Variants in CACNA1C observed in about 807,000 individuals in gnomAD.
The protein encoded by CACNA1C is calcium voltage-gated channel subunit alpha1 C, also known as voltage-dependent L-type calcium channel subunit alpha-1C.
A neutral mutation model predicts 229.0 loss-of-function variants in CACNA1C; 30 were observed. That is an observed-to-expected ratio of 0.13 (90% CI 0.10 to 0.18). The LOEUF (loss-of-function observed/expected upper bound fraction) is 0.18. Ranked by LOEUF, CACNA1C falls within the 10% of genes least tolerant of loss-of-function variation. The pLI is 1.00. For synonymous variants in CACNA1C, 1,114 were observed against 1,132.5 expected (o/e 0.98, Z 0.33); for missense variants, 1,658 against 2,845.0 (o/e 0.58, Z 9.49).
At chr12:2,120,019 A>G (rs1360983060) in intron 2 of CACNA1C, among the ~76,000 whole-genome samples, 1 of 152,246 alleles carries the variant, frequency 6.6e-6, no homozygotes, top group Non-Finnish European at 1.5e-5. Context: ...TCAGGCACAC[A>G]TTGGGGAGAA....
At chr12:2,645,759 A>C (rs924074751) in intron 30 of CACNA1C, among the ~76,000 whole-genome samples, 41 of 152,298 alleles carry the variant, frequency 2.7e-4, no homozygotes, top group African/African-American at 9.6e-4. Flanking sequence ...CATTTATGAG[A>C]CCACGGACCT....
chr12:2,544,150 A>G (rs1196374139), intron 9 of CACNA1C, among the ~76,000 whole-genome samples: 1 of 148,584 alleles, frequency 6.7e-6, no homozygotes, highest in African/African-American at 2.5e-5. Context: ...TGAGAAGTGA[A>G]AAAAAAAAAA....
chr12:2,044,285 A>G (rs1263747481), intron 1 of CACNA1C, among the ~76,000 whole-genome samples: 1 of 152,214 alleles, frequency 6.6e-6, no homozygotes. Flanking sequence ...GTGTCCTGCC[A>G]TACTTGACAA....
chr12:2,084,649 A>T (rs1477993695), intron 1 of CACNA1C, among the ~76,000 whole-genome samples: 1 of 152,216 alleles, frequency 6.6e-6, no homozygotes, highest in African/African-American at 2.4e-5. Context: ...GCCGACTTGG[A>T]TGGAGTGCTC....
intron 3 of CACNA1C, among the ~76,000 whole-genome samples, chr12:2,197,951 C>G (rs1250617230): frequency 2.0e-5 from 3 of 152,180 alleles, no homozygotes; most frequent in Admixed American, 6.5e-5. Context: ...GGAACGCTTT[C>G]TTGATTTACA....
At chr12:2,549,698 T>C (rs1270184016) in intron 9 of CACNA1C, among the ~76,000 whole-genome samples, 2 of 152,210 alleles carry the variant, frequency 1.3e-5, no homozygotes, top group African/African-American at 4.8e-5. Context: ...TAAAATGCTC[T>C]TATTACCAGA....
chr12:2,450,576 A>C (rs1248313206), intron 4 of CACNA1C, among the ~76,000 whole-genome samples: 2 of 150,748 alleles, frequency 1.3e-5, no homozygotes, highest in Non-Finnish European at 3.0e-5. Flanking sequence ...AAAAAAAAAA[A>C]AACGCAGGTG....
chr12:2,656,116 A>T (rs935121022), intron 34 of CACNA1C, among the ~76,000 whole-genome samples: 26 of 152,366 alleles, frequency 1.7e-4, no homozygotes, highest in African/African-American at 6.3e-4. Flanking sequence ...AGCAAGTTTT[A>T]AAAAGTTATC....
chr12:2,550,057 G>T, intron 10 of CACNA1C, 24 bp downstream of exon 10: 1 of 1,506,402 alleles, frequency 6.6e-7, no homozygotes, highest in Admixed American at 1.8e-5. Context: ...GCGAGCCCAG[G>T]GGCTGGGGCT....
At chr12:2,168,643 A>G (rs950318859) in intron 3 of CACNA1C, among the ~76,000 whole-genome samples, 12 of 152,152 alleles carry the variant, frequency 7.9e-5, no homozygotes, top group African/African-American at 2.9e-4. Context: ...CTGTATCACA[A>G]CAGGTATTTG....
intron 3 of CACNA1C, among the ~76,000 whole-genome samples, chr12:2,247,918 G>C: frequency 6.6e-6 from 1 of 152,176 alleles, no homozygotes; most frequent in African/African-American, 2.4e-5. Context: ...ACTGCAGAGG[G>C]GGGACAGGTG....
chr12:2,048,280 A>C (rs1566031329), upstream of CACNA1C: 1 of 152,220 alleles, frequency 6.6e-6, no homozygotes, highest in East Asian at 1.9e-4. Context: ...CTGGCCTTTG[A>C]GAAGGAACGG....
chr12:2,648,245 G>T (rs1485950704), intron 30 of CACNA1C, among the ~76,000 whole-genome samples: 1 of 152,196 alleles, frequency 6.6e-6, no homozygotes, highest in African/African-American at 2.4e-5. Flanking sequence ...AAAGGGCATA[G>T]GTAGGAGAAT....
intron 9 of CACNA1C, among the ~76,000 whole-genome samples, chr12:2,521,816 C>T (rs932444033): frequency 3.3e-5 from 5 of 152,184 alleles, no homozygotes; most frequent in African/African-American, 1.2e-4. Context: ...TCCCACGCAA[C>T]CTGTGTAATG....
chr12:2,463,838 GT>G (rs1234620979), intron 5 of CACNA1C, among the ~76,000 whole-genome samples: 6 of 152,204 alleles, frequency 3.9e-5, no homozygotes, highest in Non-Finnish European at 7.3e-5. Flanking sequence ...AACAGAATCA[GT>G]TCTCTCTGCT....
intron 3 of CACNA1C, among the ~76,000 whole-genome samples, chr12:2,369,095 A>G (rs2097787464): frequency 6.6e-6 from 1 of 152,256 alleles, no homozygotes; most frequent in East Asian, 1.9e-4. Flanking sequence ...GGCCAGAGCC[A>G]TAAAATAATG....
At position 2,410,270 on chromosome 12, in the gene CACNA1C, G is replaced by A. The variant is rs746023222; in HGVS notation, c.478-38706G>A. Among the ~76,000 whole-genome samples, 2 of 152,116 alleles carry A rather than the reference G, an allele frequency of 1.3e-5. No homozygotes were observed. The highest frequency in any genetic ancestry group is 4.8e-5 in the African/African-American group (2 of 41,408). The stretch of plus-strand genomic sequence containing the variant: ...CTCAACGAGCTCGTCGCCGGGCACC[G>A]TTTTAGCAGCCCCACCACCCATTTT... On this transcript the variant is annotated intron_variant, in intron 3 of 46. Coordinates refer to ENST00000399655, the MANE Select transcript of CACNA1C (RefSeq NM_000719.7). This position sits in a 1 kb window ranked among gnomAD's most constrained non-coding sequence, Gnocchi z 5.3.
intron 1 of CACNA1C, among the ~76,000 whole-genome samples, chr12:2,089,468 A>G (rs1168134235): frequency 1.3e-5 from 2 of 152,202 alleles, no homozygotes; most frequent in African/African-American, 4.8e-5. Context: ...CAACGAGCTC[A>G]AGATCTCTTG....
chr12:2,269,454 A>G (rs2083845311), intron 3 of CACNA1C, among the ~76,000 whole-genome samples: 2 of 152,212 alleles, frequency 1.3e-5, no homozygotes, highest in African/African-American at 2.4e-5. Context: ...TCTGGATTCA[A>G]AATCATACAC....
Sources: allele counts gnomAD v4.1 joint callset (sites outside exome capture counted in the v4.1 genomes callset), GRCh38; gene constraint gnomAD v4.1.1; non-coding constraint Gnocchi (gnomAD v3.1); transcripts MANE v1.5; gene names NCBI Gene and HGNC (gene_info 2026-07-23, HGNC 2026-07-21).